TBCK: variants seen among roughly 807,000 people sequenced by gnomAD.
The protein encoded by TBCK is TBC1 domain containing kinase.
Under a neutral mutation model 113.4 loss-of-function variants are expected in TBCK, and 99 were observed. The observed-to-expected ratio is 0.87, with a 90% CI of 0.74 to 1.03. TBCK has a LOEUF of 1.03. Ranked by LOEUF, TBCK falls within the 50% of genes least tolerant of loss-of-function variation. The pLI is 0.00. For synonymous variants in TBCK, 369 were observed against 370.8 expected (o/e 1.00, Z 0.05); for missense variants, 1,045 against 1,061.3 (o/e 0.98, Z 0.21).
Position 106,201,985 on chromosome 4 carries a change from C to T in TBCK, c.1861-7231G>A, listed in dbSNP as rs1013867477. Among the ~76,000 whole-genome samples, 7 of 151,884 alleles carry T rather than the reference C, an allele frequency of 4.6e-5. No individual in the cohort carries two copies. In the East Asian group the frequency reaches 1.2e-3, roughly 25 times the overall value. On this transcript the variant is annotated intron_variant, in intron 20 of 25. Coordinates refer to ENST00000394708, the MANE Select transcript of TBCK (RefSeq NM_001163435.3). ...AGAATGTGTAAAAATCTGCACTTTG[C>T]GACCTGATAAAGTTATCTCCTTGAA...
At position 106,046,334 on chromosome 4, in the gene TBCK, T is replaced by A. The variant is rs1372224785; in HGVS notation, c.*236A>T. ...GCTTTATGTGGCAGTGTGGTAAAAA[T>A]ATATGATCAGATTTCACTGTTAAGA... is the stretch of plus-strand genomic sequence containing the variant. On this transcript the variant is annotated 3_prime_UTR_variant, in exon 26 of 26. Transcript: ENST00000394708. 1 of 370,744 alleles carries A rather than the reference T, an allele frequency of 2.7e-6. No homozygotes were observed. Among genetic ancestry groups the A allele is most frequent in the Non-Finnish European group, 4.9e-6 (1 of 205,026 alleles). 23.0% of individuals were successfully genotyped at this position (370,744 alleles called of 1,614,324 possible). A position where few individuals can be genotyped will look rare whatever the true frequency, so the allele number is the denominator to read the frequency against.
At chr4:106,302,249 G>C (rs1017727530) in intron 2 of TBCK, among the ~76,000 whole-genome samples, 2 of 152,136 alleles carry the variant, frequency 1.3e-5, no homozygotes, top group Non-Finnish European at 2.9e-5. Context: ...CAGGGAAGCA[G>C]AGTAAACAGC....
At chr4:106,059,736 A>G (rs916537509) in intron 25 of TBCK, among the ~76,000 whole-genome samples, 11 of 151,844 alleles carry the variant, frequency 7.2e-5, no homozygotes, top group African/African-American at 1.2e-4. Flanking sequence ...CTTTAAATAA[A>G]AAATCTAGAA....
Position 106,234,373 on chromosome 4 carries a change from T to C in TBCK, c.1450-723A>G, listed in dbSNP as rs1041668460. ...ACTCAAAGGTATTTGTAGACTCTTATCAAGGGAATCAGGAATGAAGAAAGG... is the reference window on the plus strand; with the variant it reads ...ACTCAAAGGTATTTGTAGACTCTTACCAAGGGAATCAGGAATGAAGAAAGG... On this transcript the variant is annotated intron_variant, in intron 15 of 25. Transcript: ENST00000394708. Among the ~76,000 whole-genome samples the C allele has an allele frequency of 3.3e-5, 5 of 152,122 alleles. No homozygotes were observed. The South Asian group carries it at 6.2e-4, about 19-fold the overall frequency.
At chr4:106,272,530 C>G (rs1285145980) in intron 3 of TBCK, among the ~76,000 whole-genome samples, 1 of 134,222 alleles carries the variant, frequency 7.5e-6, no homozygotes, top group Admixed American at 8.4e-5. Context: ...CTTGCTCTGT[C>G]GCCCAGGCTG....
At chr4:106,091,644 G>A (rs553957927) in intron 25 of TBCK, among the ~76,000 whole-genome samples, 64 of 152,220 alleles carry the variant, frequency 4.2e-4, no homozygotes, top group Non-Finnish European at 8.8e-4. Context: ...CGGTGGGTTC[G>A]TGGTCTTGAT....
intron 24 of TBCK, among the ~76,000 whole-genome samples, chr4:106,104,992 C>A (rs777363389): frequency 6.6e-6 from 1 of 152,224 alleles, no homozygotes; most frequent in Non-Finnish European, 1.5e-5. Flanking sequence ...TTCCAGCCAC[C>A]CCAACCAGAG....
In TBCK at chr4:106,044,485, T is replaced by C. The variant is rs541491203; in HGVS notation, c.*2085A>G. 2.0e-5 allele frequency: 3 copies of C among 152,186 alleles called. No individual in the cohort carries two copies. The highest frequency in any genetic ancestry group is 1.9e-4 in the East Asian group (1 of 5,198). The allele number at this position is 152,186 out of a possible 1,614,324, so 9.4% of individuals were successfully genotyped here. Reference sequence around the variant, plus strand: ...ATAACTATGGATTATATTAGTGTCTTAGAAATACATAGTAGGTATTCAAAA... The same window carrying C: ...ATAACTATGGATTATATTAGTGTCTCAGAAATACATAGTAGGTATTCAAAA... On this transcript the variant is annotated 3_prime_UTR_variant, in exon 26 of 26. Coordinates refer to ENST00000394708, the MANE Select transcript of TBCK (RefSeq NM_001163435.3).
At chr4:106,106,911 C>T (rs1409447608) in intron 24 of TBCK, among the ~76,000 whole-genome samples, 1 of 151,898 alleles carries the variant, frequency 6.6e-6, no homozygotes, top group African/African-American at 2.4e-5. Context: ...CATAATGACA[C>T]ACTTATAAGC....
At chr4:106,159,046 A>G (rs958797936) in intron 23 of TBCK, among the ~76,000 whole-genome samples, 5 of 151,950 alleles carry the variant, frequency 3.3e-5, no homozygotes, top group Admixed American at 3.3e-4. Flanking sequence ...AAAAAAAAAA[A>G]CAACCACATG....
At chr4:106,177,196 G>GT (rs1242960742) in intron 22 of TBCK, among the ~76,000 whole-genome samples, 1 of 151,682 alleles carries the variant, frequency 6.6e-6, no homozygotes, top group Non-Finnish European at 1.5e-5. Context: ...AAATAGGATT[G>GT]TTTTTTGGCT....
chr4:106,082,487 A>T (rs1412238523), intron 25 of TBCK, among the ~76,000 whole-genome samples: 2 of 152,156 alleles, frequency 1.3e-5, no homozygotes, highest in Non-Finnish European at 2.9e-5. Context: ...CCTGTCAGGT[A>T]CTATGCTCAC....
chr4:106,169,462 T>G (rs1750753281), intron 23 of TBCK, among the ~76,000 whole-genome samples: 1 of 152,042 alleles, frequency 6.6e-6, no homozygotes, highest in Non-Finnish European at 1.5e-5. Context: ...TTAACAAATG[T>G]TTTTCTGCTA....
At chr4:106,275,339 T>C (rs1417211938) in intron 3 of TBCK, among the ~76,000 whole-genome samples, 2 of 152,098 alleles carry the variant, frequency 1.3e-5, no homozygotes, top group East Asian at 1.9e-4. Flanking sequence ...AATGGTGAAA[T>C]ACTTAACATT....
At chr4:106,186,037 C>T (rs972931272) in intron 22 of TBCK, among the ~76,000 whole-genome samples, 1 of 152,134 alleles carries the variant, frequency 6.6e-6, no homozygotes, top group Admixed American at 6.6e-5. Flanking sequence ...CCAGCTCCAT[C>T]CATATTGCTG....
intron 4 of TBCK, among the ~76,000 whole-genome samples, chr4:106,260,743 T>A (rs1027900780): frequency 2.0e-5 from 3 of 151,994 alleles, no homozygotes; most frequent in Non-Finnish European, 2.9e-5. Flanking sequence ...TACACATATA[T>A]ATCTCAAAAT....
chr4:106,301,808 C>G (rs901089525), intron 2 of TBCK, among the ~76,000 whole-genome samples: 4 of 152,004 alleles, frequency 2.6e-5, no homozygotes, highest in Non-Finnish European at 5.9e-5. Context: ...ATCTGCATAG[C>G]AAGAACAGAA....
At chr4:106,062,053 T>C (rs958007225) in intron 25 of TBCK, among the ~76,000 whole-genome samples, 2 of 151,864 alleles carry the variant, frequency 1.3e-5, no homozygotes, top group African/African-American at 4.8e-5. Context: ...AAATTCATGA[T>C]GAACTCCAGG....
rs1288324912 is a variant in TBCK, at chr4:106,138,881, C to T, written c.2236-22503G>A. On this transcript the variant is annotated intron_variant, in intron 23 of 25. Transcript: ENST00000394708. Reference sequence around the variant, plus strand: ...GATAGAGATGCTATTCACACAGCACCGTTATGGTCAAGTTTCAATGGCAAT... The same window carrying T: ...GATAGAGATGCTATTCACACAGCACTGTTATGGTCAAGTTTCAATGGCAAT... 5.0e-5 allele frequency among the ~76,000 whole-genome samples: 7 copies of T among 140,674 alleles called. 1 individual carries two copies. The highest frequency in any genetic ancestry group is 7.0e-5 in the Admixed American group (1 of 14,240). The allele number at this position is 140,674 out of a possible 152,430, so 92.3% of individuals were successfully genotyped here. A position where few individuals can be genotyped will look rare whatever the true frequency, so the allele number is the denominator to read the frequency against.
Sources: gnomAD v4.1 joint callset for allele counts (sites outside exome capture counted in the v4.1 genomes callset) on GRCh38, gnomAD v4.1.1 for gene constraint, MANE v1.5 for transcripts, NCBI Gene and HGNC (gene_info 2026-07-23, HGNC 2026-07-21) for gene names.